GLIS3: variants seen among roughly 807,000 people sequenced by gnomAD.
The protein encoded by GLIS3 is zinc finger protein GLIS3.
GLIS3 carries 53 observed loss-of-function variants against 78.6 expected under a neutral mutation model. The ratio of observed to expected loss-of-function variants is 0.67; its 90% confidence interval spans 0.54 to 0.85. The LOEUF is 0.85. Ranked by LOEUF, GLIS3 falls within the 40% of genes least tolerant of loss-of-function variation. GLIS3 has a pLI of 0.00. For synonymous variants in GLIS3, 684 were observed against 509.9 expected, an observed-to-expected ratio of 1.34 and a Z score of -4.60; for missense variants, 1,703 against 1,231.1, an observed-to-expected ratio of 1.38 and a Z score of -5.74.
chr9:3,959,460 T>C (rs16920148), intron 4 of GLIS3, among the ~76,000 whole-genome samples: 5,561 of 152,274 alleles, frequency 0.037, 290 homozygotes, highest in African/African-American at 0.12. Flanking sequence ...GAAAATGTAA[T>C]TCCTCTGACT....
intron 7 of GLIS3, among the ~76,000 whole-genome samples, chr9:3,885,720 C>T (rs1474648932): frequency 6.6e-6 from 1 of 152,150 alleles, no homozygotes. Context: ...TTGTCTCTCT[C>T]CCTGGAGAAT....
the GLIS3 span, among the ~76,000 whole-genome samples, chr9:4,383,340 T>C: frequency 6.6e-6 from 1 of 152,252 alleles, no homozygotes; most frequent in Non-Finnish European, 1.5e-5. Context: ...TTGGAACTGC[T>C]GTTTGAAAGT....
chr9:4,397,922 T>C, the GLIS3 span, among the ~76,000 whole-genome samples: 9 of 151,734 alleles, frequency 5.9e-5, no homozygotes, highest in Non-Finnish European at 1.0e-4. Context: ...CATTCCTCCA[T>C]TGTGGGTCCC....
intron 4 of GLIS3, among the ~76,000 whole-genome samples, chr9:3,983,599 C>T (rs1420433427): frequency 6.6e-6 from 1 of 152,144 alleles, no homozygotes; most frequent in Non-Finnish European, 1.5e-5. Flanking sequence ...AAAGTCCAGG[C>T]TGAGGTGGTC....
the GLIS3 span, among the ~76,000 whole-genome samples, chr9:4,487,780 C>T: frequency 0.013 from 1,958 of 151,910 alleles, 45 homozygotes; most frequent in African/African-American, 0.045. Flanking sequence ...CTCGAACTCC[C>T]GGGCTCAAAC....
intron 6 of GLIS3, among the ~76,000 whole-genome samples, chr9:3,903,421 C>T (rs1368251673): frequency 6.6e-6 from 1 of 152,222 alleles, no homozygotes; most frequent in Non-Finnish European, 1.5e-5. Flanking sequence ...CACTGATTGT[C>T]AATTCACCTA....
rs74840416 is a variant in GLIS3 at position 4,330,423 on chromosome 9, T to C, written n.264+16658A>G. 8.5e-3 allele frequency among the ~76,000 whole-genome samples: 1,290 copies of C among 152,374 alleles called. 22 individuals are homozygous for C. Among genetic ancestry groups the C allele is most frequent in the African/African-American group, 0.03 (1,242 of 41,578 alleles). ...TGCTATTGGTCCAAGGATCACACTT[T>C]GAAAACCACTGGTGTAGTGTTTAGG... On this transcript the variant is annotated intron_variant and non_coding_transcript_variant, in intron 2 of 4. Transcript: ENST00000471664.
intron 2 of GLIS3, among the ~76,000 whole-genome samples, chr9:4,248,712 A>G (rs562276404): frequency 2.0e-5 from 3 of 152,336 alleles, no homozygotes; most frequent in Admixed American, 2.0e-4. Flanking sequence ...CCAACAGTGT[A>G]AAAGCATTCC....
At chr9:4,370,323 G>A in the GLIS3 span, among the ~76,000 whole-genome samples, 3 of 152,010 alleles carry the variant, frequency 2.0e-5, no homozygotes, top group Non-Finnish European at 2.9e-5. Context: ...CACTTCCTCA[G>A]ACTCCTCCAG....
At chr9:4,473,339 A>T in the GLIS3 span, among the ~76,000 whole-genome samples, 12 of 151,920 alleles carry the variant, frequency 7.9e-5, no homozygotes, top group Non-Finnish European at 1.6e-4. Context: ...CCAGCTACTC[A>T]GGAGGCTGAG....
chr9:4,194,521 G>C (rs905379322), intron 2 of GLIS3, among the ~76,000 whole-genome samples: 1 of 152,218 alleles, frequency 6.6e-6, no homozygotes, highest in Admixed American at 6.5e-5. Flanking sequence ...CTATGTGAGA[G>C]GATTTCAGCA....
intron 3 of GLIS3, among the ~76,000 whole-genome samples, chr9:4,122,630 A>G (rs1168338355): frequency 2.0e-5 from 3 of 152,168 alleles, no homozygotes; most frequent in African/African-American, 7.2e-5. Context: ...CGGGTCTTAA[A>G]CAGAAATATT....
intron 2 of GLIS3, among the ~76,000 whole-genome samples, chr9:4,316,968 G>C (rs943245410): frequency 3.6e-5 from 5 of 139,900 alleles, no homozygotes; most frequent in Admixed American, 1.4e-4. Context: ...AATATGTTTT[G>C]CTTAAAGTCA....
intron 9 of GLIS3, among the ~76,000 whole-genome samples, chr9:3,836,790 T>C (rs1818379115): frequency 6.6e-6 from 1 of 152,150 alleles, no homozygotes; most frequent in Admixed American, 6.5e-5. Context: ...GGCTCCACAC[T>C]TCCACAGCCA....
chr9:4,338,795 G>A (rs543695562), intron 2 of GLIS3, among the ~76,000 whole-genome samples: 4 of 152,248 alleles, frequency 2.6e-5, no homozygotes, highest in African/African-American at 9.6e-5. Flanking sequence ...CACCTAAGGA[G>A]CCTGGAAAAA....
chr9:3,929,788 T>C (rs1362716837), intron 6 of GLIS3, among the ~76,000 whole-genome samples: 1 of 152,232 alleles, frequency 6.6e-6, no homozygotes, highest in African/African-American at 2.4e-5. Flanking sequence ...TTAATTCACA[T>C]TTTTGTAAAG....
chr9:4,077,391 TC>T (rs1828168345), intron 4 of GLIS3, among the ~76,000 whole-genome samples: 1 of 152,038 alleles, frequency 6.6e-6, no homozygotes, highest in Admixed American at 6.5e-5. Flanking sequence ...AACCAAAACA[TC>T]CATGCAGCAT....
chr9:4,315,360 T>C (rs972565040), intron 2 of GLIS3, among the ~76,000 whole-genome samples: 1 of 152,168 alleles, frequency 6.6e-6, no homozygotes, highest in Non-Finnish European at 1.5e-5. Flanking sequence ...CTGGGGTCCT[T>C]ATTGTTAGTA....
intron 4 of GLIS3, among the ~76,000 whole-genome samples, chr9:4,097,150 C>T (rs905551577): frequency 2.0e-5 from 3 of 152,144 alleles, no homozygotes; most frequent in South Asian, 2.1e-4. Context: ...AAAGGTTTGG[C>T]GAGCTGCACA....
Sources: gnomAD v4.1 joint callset for allele counts (sites outside exome capture counted in the v4.1 genomes callset) on GRCh38, gnomAD v4.1.1 for gene constraint, MANE v1.5 for transcripts, NCBI Gene and HGNC (gene_info 2026-07-23, HGNC 2026-07-21) for gene names.